Variants in PIGN observed in about 807,000 individuals in gnomAD.
PIGN encodes phosphatidylinositol glycan anchor biosynthesis class N.
A neutral mutation model predicts 125.4 loss-of-function variants in PIGN; 117 were observed. The observed-to-expected ratio is 0.93, with a 90% confidence interval of 0.80 to 1.09. The LOEUF (loss-of-function observed/expected upper bound fraction) is 1.09, where lower values mean the gene tolerates loss of function less well. Among genes scored for constraint, PIGN ranks in the 50% least tolerant of loss-of-function variants. The pLI is 0.00. For missense variants in PIGN, 1,075 were observed against 1,094.9 expected (o/e 0.98, Z 0.26); for synonymous variants, 392 against 377.8 (o/e 1.04, Z -0.44).
At chr18:62,101,416 C>T (rs983169396) in intron 21 of PIGN, among the ~76,000 whole-genome samples, 4 of 152,112 alleles carry the variant, frequency 2.6e-5, no homozygotes, top group Non-Finnish European at 5.9e-5. Flanking sequence ...TAACAAAGCA[C>T]GTAAGAATGT....
intron 14 of PIGN, among the ~76,000 whole-genome samples, chr18:62,126,724 AT>A (rs2035548297): frequency 6.6e-6 from 1 of 152,032 alleles, no homozygotes; most frequent in South Asian, 2.1e-4. Flanking sequence ...AATTTCCAAA[AT>A]CTATATTTAG....
At chr18:62,060,777 T>C (rs976804055) in intron 30 of PIGN, among the ~76,000 whole-genome samples, 3 of 152,214 alleles carry the variant, frequency 2.0e-5, no homozygotes, top group Admixed American at 6.5e-5. Flanking sequence ...TACAAATGCA[T>C]TGAGGACGCA....
At chr18:62,126,081 G>A (rs1036291878) in intron 14 of PIGN, among the ~76,000 whole-genome samples, 1 of 151,974 alleles carries the variant, frequency 6.6e-6, no homozygotes, top group Admixed American at 6.6e-5. Context: ...AGAGTATCTG[G>A]ATCAGTCATT....
At position 62,109,882 on chromosome 18, in the gene PIGN, T is replaced by A. The variant is rs746190888; in HGVS notation, c.1526A>T (p.Tyr509Phe). 6.2e-7 allele frequency: 1 copy of A among 1,612,994 alleles called. No homozygotes were observed. The highest frequency in any genetic ancestry group is 8.5e-7 in the Non-Finnish European group (1 of 1,179,238). Residue 509 changes from tyrosine to phenylalanine, a missense_variant, in exon 17 of 31, where the codon TAT becomes TTT. Physicochemically the swap from Tyr to Phe is conservative, Grantham distance 22. This residue lies in a region of PIGN where 915 missense variants were observed against 908.7 expected (regional missense o/e 1.01). Transcript: ENST00000640252. Reference protein sequence around the residue: ...LLIQACPWTYYVYGLLPLPIW... With the variant: ...LLIQACPWTYFVYGLLPLPIW... The stretch of plus-strand genomic sequence containing the variant: ...TGGCAGTGGCAACAAACCATATACA[T>A]AATATGTCCAGGGACAGGCTTGAAT...
At chr18:62,072,590 T>C (rs1420333377) in intron 30 of PIGN, 83 bp downstream of exon 30, 9 of 1,057,970 alleles carry the variant, frequency 8.5e-6, no homozygotes, top group Non-Finnish European at 1.3e-5. Flanking sequence ...CTGTGATGTT[T>C]GCACAGTGAA....
intron 30 of PIGN, among the ~76,000 whole-genome samples, chr18:62,068,135 T>G (rs1184977994): frequency 1.3e-5 from 2 of 152,148 alleles, no homozygotes; most frequent in African/African-American, 4.8e-5. Flanking sequence ...TCTTTAGAGG[T>G]GTCTTCTGGT....
At chr18:62,123,076 C>T (rs1001213993) in intron 14 of PIGN, among the ~76,000 whole-genome samples, 1 of 152,060 alleles carries the variant, frequency 6.6e-6, no homozygotes, top group African/African-American at 2.4e-5. Context: ...GAGCTCGAGA[C>T]TAGCCTTGGC....
downstream of PIGN, among the ~76,000 whole-genome samples, chr18:62,036,978 TCTTATA>T (rs1421160172): frequency 6.6e-6 from 1 of 152,160 alleles, no homozygotes; most frequent in African/African-American, 2.4e-5. Flanking sequence ...AGGACTGATG[TCTTATA>T]CTTTGTATCC....
chr18:62,106,835 G>T lies in PIGN; in HGVS notation c.1721C>A (p.Ala574Asp). Residue 574 changes from alanine (A) to aspartate (D), a missense_variant, in exon 19 of 31, where the codon GCC becomes GAC. This residue lies in a region of PIGN where 915 missense variants were observed against 908.7 expected (regional missense o/e 1.01). Transcript: ENST00000640252. ...YRYMLTAGLT[A>D]FAAWPFLTRL... ...AGTGAGAAATGGCCAAGCTGCAAAG[G>T]CAGTAAGTCCAGCGGTAAGCATATA... 6.2e-7 allele frequency: 1 copy of T among 1,609,586 alleles called. No individual in the cohort carries two copies. Among genetic ancestry groups the T allele is most frequent in the Non-Finnish European group, 8.5e-7 (1 of 1,177,912 alleles).
intron 20 of PIGN, chr18:62,103,562 G>A (rs1244263538): frequency 6.6e-6 from 1 of 152,176 alleles, no homozygotes; most frequent in Admixed American, 6.5e-5. Flanking sequence ...CAAGGAAATG[G>A]TGCCCTATTG....
At chr18:62,155,984 T>C (rs1411690295) in intron 6 of PIGN, among the ~76,000 whole-genome samples, 2 of 152,248 alleles carry the variant, frequency 1.3e-5, no homozygotes, top group Non-Finnish European at 2.9e-5. Flanking sequence ...CCTGGACACA[T>C]AATAATCTTC....
chr18:62,136,189 A>G (rs532081025), intron 14 of PIGN: 23 of 152,220 alleles, frequency 1.5e-4, no homozygotes, highest in Non-Finnish European at 3.1e-4. Flanking sequence ...GATGTAAATA[A>G]CATAATATCC....
intron 24 of PIGN, 84 bp from the exon 25 acceptor site, chr18:62,088,926 T>C: frequency 1.3e-6 from 1 of 744,256 alleles, no homozygotes; most frequent in Non-Finnish European, 2.3e-6. Flanking sequence ...ATGGCTAAGT[T>C]ACAATGGCTA....
chr18:62,115,472 A>G (rs1568191946), intron 14 of PIGN, among the ~76,000 whole-genome samples: 1 of 152,190 alleles, frequency 6.6e-6, no homozygotes, highest in Non-Finnish European at 1.5e-5. Flanking sequence ...AAGTTATTTA[A>G]GGCTATATTA....
intron 14 of PIGN, chr18:62,136,999 G>T (rs1339823987): frequency 1.8e-5 from 7 of 397,950 alleles, no homozygotes; most frequent in Non-Finnish European, 2.7e-5. Flanking sequence ...GTAAAGTATT[G>T]TTCCTGGGTA....
At chr18:62,070,973 T>A (rs545428338) in intron 30 of PIGN, among the ~76,000 whole-genome samples, 1 of 149,052 alleles carries the variant, frequency 6.7e-6, no homozygotes, top group Non-Finnish European at 1.5e-5. Context: ...ACTCGGGTAA[T>A]TTTTTTTTTG....
Position 62,130,142 on chromosome 18 carries a change from G to A in PIGN, c.1172+8101C>T, listed in dbSNP as rs149143096. ...ACTCTAAGCCTTTGGAGGGAGCATG[G>A]TTCTGGTGACACCTTGCTTTTGGAC... On this transcript the variant is annotated intron_variant, in intron 14 of 30. Coordinates refer to ENST00000640252, the MANE Select transcript of PIGN (RefSeq NM_176787.5). Among the ~76,000 whole-genome samples the A allele has an allele frequency of 1.6e-3, 236 of 152,252 alleles. 1 individual carries two copies. Among genetic ancestry groups the A allele is most frequent in the African/African-American group, 5.3e-3 (219 of 41,556 alleles).
rs536326700 is a variant in PIGN, at chr18:62,072,546, T to A, written c.2672+127A>T. The A allele has an allele frequency of 7.7e-5, 54 of 705,120 alleles. 1 individual carries two copies. In the East Asian group the frequency reaches 1.4e-3, roughly 18 times the overall value. 43.7% of individuals were successfully genotyped at this position (705,120 alleles called of 1,614,324 possible). On this transcript the variant is annotated intron_variant, in intron 30 of 30. Transcript: ENST00000640252. ...GCTGTACCATATCCTAGGTGTGTTG[T>A]AGGCTACACCATCTAGGTTTGTGTG...
intron 21 of PIGN, 147 bp downstream of exon 21, chr18:62,102,647 A>C (rs1298108190): frequency 6.1e-6 from 3 of 491,674 alleles, no homozygotes; most frequent in Non-Finnish European, 1.1e-5. Flanking sequence ...ATTTCCATGT[A>C]GCATCTTAAA....
Sources: gnomAD v4.1 joint callset for allele counts (sites outside exome capture counted in the v4.1 genomes callset) on GRCh38, gnomAD v4.1.1 for gene constraint, gnomAD v4.1.1 regional missense constraint, MANE v1.5 for transcripts, NCBI Gene and HGNC (gene_info 2026-07-23, HGNC 2026-07-21) for gene names.